The following ENOX2 variants were observed in gnomAD, a reference collection of about 807,000 sequenced individuals.
ENOX2 encodes the protein ecto-NOX disulfide-thiol exchanger 2.
ENOX2 carries 36 observed loss-of-function variants against 45.0 expected under a neutral mutation model. The ratio of observed to expected loss-of-function variants is 0.80; its 90% CI spans 0.61 to 1.06. The LOEUF is 1.06. Among genes scored for constraint, ENOX2 ranks in the 50% least tolerant of loss-of-function variants. The pLI is 0.00. For synonymous variants in ENOX2, 174 were observed against 152.3 expected (o/e 1.14, Z -1.05); for missense variants, 423 against 462.5 (o/e 0.91, Z 0.78).
rs543717135 is a variant in ENOX2 at position 130,882,274 on chromosome X, G to A, written c.-183+19410C>T. Among the ~76,000 whole-genome samples the A allele has an allele frequency of 6.0e-4, 64 of 105,875 alleles. 1 individual carries two copies. The South Asian group carries it at 0.026, about 43-fold the overall frequency. 91.9% of individuals were successfully genotyped at this position (105,875 alleles called of 115,157 possible). On this transcript the variant is annotated intron_variant, in intron 2 of 14. Coordinates refer to ENST00000394363, the MANE Select transcript of ENOX2 (RefSeq NM_006375.4). ...GAGCGTTGTGTAGTGGGAGATAAGAGTGTAAGGGAATTCTGAGTGCCTGGG... is the reference window on the plus strand; with the variant it reads ...GAGCGTTGTGTAGTGGGAGATAAGAATGTAAGGGAATTCTGAGTGCCTGGG...
chrX:130,699,644 A>T lies in ENOX2; in HGVS notation c.97+3476T>A. On this transcript the variant is annotated intron_variant, in intron 4 of 14. Transcript: ENST00000394363. ...AGGGAGATGTTTTAACCCATTGTAA[A>T]GATGGCAGGCACTCTGTTCTCCAGA... Among the ~76,000 whole-genome samples the T allele has an allele frequency of 1.8e-5, 2 of 111,630 alleles. 1 individual carries two copies. Among genetic ancestry groups the T allele is most frequent in the Middle Eastern group, 9.2e-3 (2 of 218 alleles).
chrX:130,763,425 G>A (rs1025021358), intron 3 of ENOX2, among the ~76,000 whole-genome samples: 2 of 111,195 alleles, frequency 1.8e-5, no homozygotes, highest in Admixed American at 1.9e-4. Flanking sequence ...GAATCTCCTG[G>A]AGGTCTCCTC....
At chrX:130,846,431 G>A (rs1001715375) in intron 2 of ENOX2, among the ~76,000 whole-genome samples, 6 of 109,271 alleles carry the variant, frequency 5.5e-5, no homozygotes, top group African/African-American at 2.0e-4. Context: ...TCTGCCTCCC[G>A]GATTCAAGCG....
intron 2 of ENOX2, among the ~76,000 whole-genome samples, chrX:130,842,737 G>A (rs2078037053): frequency 9.1e-6 from 1 of 110,413 alleles, no homozygotes; most frequent in African/African-American, 3.3e-5. Flanking sequence ...CTAACTCTTG[G>A]GTTTATCTTT....
At chrX:130,685,752 G>GAA (rs1491564879) in intron 5 of ENOX2, among the ~76,000 whole-genome samples, 1 of 111,777 alleles carries the variant, frequency 8.9e-6, no homozygotes, top group African/African-American at 3.3e-5. Flanking sequence ...TGGGCTGGAG[G>GAA]AGAGTGTGAG....
At chrX:130,864,767 A>G (rs968954443) in intron 2 of ENOX2, among the ~76,000 whole-genome samples, 1 of 112,295 alleles carries the variant, frequency 8.9e-6, no homozygotes, top group African/African-American at 3.2e-5. Context: ...TAATCCCAGC[A>G]CTTTGGGAGG....
intron 2 of ENOX2, among the ~76,000 whole-genome samples, chrX:130,843,790 T>G (rs1418032318): frequency 9.0e-6 from 1 of 111,633 alleles, no homozygotes; most frequent in Non-Finnish European, 1.9e-5. Context: ...TAAAAGAGAG[T>G]TAGGGGGTAC....
At chrX:130,662,082 C>T (rs755297486) in intron 9 of ENOX2, among the ~76,000 whole-genome samples, 1 of 111,851 alleles carries the variant, frequency 8.9e-6, no homozygotes, top group East Asian at 2.8e-4. Context: ...AGAGTTCCCA[C>T]AACACACAGA....
chrX:130,834,450 C>T (rs765067586), intron 2 of ENOX2, among the ~76,000 whole-genome samples: 14 of 111,479 alleles, frequency 1.3e-4, no homozygotes, highest in Non-Finnish European at 2.6e-4. Flanking sequence ...TACTTTGTTC[C>T]TCTTTTTTTT....
chrX:130,632,368 G>C (rs1437645451), intron 12 of ENOX2, among the ~76,000 whole-genome samples: 10 of 48,265 alleles, frequency 2.1e-4, no homozygotes, highest in African/African-American at 7.7e-4. Flanking sequence ...AAGGGGCGGG[G>C]GGGGGGGGTG....
chrX:130,686,730 A>G (rs193060673), intron 5 of ENOX2, among the ~76,000 whole-genome samples: 367 of 112,169 alleles, frequency 3.3e-3, no homozygotes, highest in African/African-American at 0.011. Flanking sequence ...TTCAGCAGAG[A>G]ACTAAGAGAA....
At chrX:130,893,761 T>C (rs2079017565) in intron 2 of ENOX2, among the ~76,000 whole-genome samples, 1 of 112,167 alleles carries the variant, frequency 8.9e-6, no homozygotes, top group Admixed American at 9.4e-5. Flanking sequence ...TATCTGGATG[T>C]GACGTTTAAG....
chrX:130,652,849 C>G (rs1341019824), intron 10 of ENOX2, among the ~76,000 whole-genome samples: 2 of 112,175 alleles, frequency 1.8e-5, no homozygotes, highest in African/African-American at 3.2e-5. Flanking sequence ...TCAAAGATTG[C>G]TGGAAAATGA....
At chrX:130,873,651 C>A (rs1463171460) in intron 2 of ENOX2, among the ~76,000 whole-genome samples, 1 of 111,746 alleles carries the variant, frequency 8.9e-6, no homozygotes, top group Non-Finnish European at 1.9e-5. Flanking sequence ...ACACAAATGC[C>A]CACAAATGAT....
intron 3 of ENOX2, among the ~76,000 whole-genome samples, chrX:130,741,092 A>T (rs1189539304): frequency 8.0e-5 from 9 of 111,977 alleles, no homozygotes; most frequent in Non-Finnish European, 1.5e-4. Flanking sequence ...AAGTTTTTTC[A>T]TATGGAAAAA....
intron 2 of ENOX2, among the ~76,000 whole-genome samples, chrX:130,887,605 T>C (rs535245259): frequency 1.8e-5 from 2 of 111,123 alleles, no homozygotes; most frequent in Middle Eastern, 4.6e-3. Flanking sequence ...TGTGTCACCA[T>C]CCATCTCCAA....
intron 2 of ENOX2, among the ~76,000 whole-genome samples, chrX:130,798,307 T>C (rs756677111): frequency 8.9e-6 from 1 of 112,783 alleles, no homozygotes; most frequent in Middle Eastern, 4.6e-3. Flanking sequence ...GTGATTCTAA[T>C]GTGCAGCCAG....
At chrX:130,794,804 A>C (rs751604524) in intron 2 of ENOX2, among the ~76,000 whole-genome samples, 2 of 112,472 alleles carry the variant, frequency 1.8e-5, no homozygotes, top group African/African-American at 6.4e-5. Flanking sequence ...CAAAATGTAC[A>C]CACCAATTTC....
intron 10 of ENOX2, among the ~76,000 whole-genome samples, chrX:130,644,618 C>T (rs902269417): frequency 9.0e-6 from 1 of 111,620 alleles, no homozygotes; most frequent in African/African-American, 3.3e-5. Context: ...ATGCATATTA[C>T]TAAGTGAAAA....
Sources: allele counts gnomAD v4.1 joint callset (sites outside exome capture counted in the v4.1 genomes callset), GRCh38; gene constraint gnomAD v4.1.1; transcripts MANE v1.5; gene names NCBI Gene and HGNC (gene_info 2026-07-23, HGNC 2026-07-21).